Variants in ROBO2 observed in about 807,000 individuals in gnomAD.
ROBO2 encodes roundabout guidance receptor 2, also known as roundabout homolog 2.
In ROBO2, 53 loss-of-function variants were observed where a neutral mutation model predicts 160.8. The ratio of observed to expected loss-of-function variants is 0.33; its 90% CI spans 0.26 to 0.41. The LOEUF is 0.41. Ranked by LOEUF, ROBO2 falls within the 10% of genes least tolerant of loss-of-function variation. The probability of loss-of-function intolerance (pLI) is 1.00; values close to 1 mark genes in which losing one functional copy is unlikely to be tolerated. For missense variants in ROBO2, 1,577 were observed against 1,722.4 expected (o/e 0.92, Z 1.49); for synonymous variants, 664 against 611.7 (o/e 1.09, Z -1.26).
rs1701915628 is a variant in ROBO2, at chr3:76,189,556, A to G, written c.109+251954A>G. Among the ~76,000 whole-genome samples the G allele has an allele frequency of 2.0e-5, 3 of 152,098 alleles. No homozygotes were observed. The South Asian group carries it at 6.2e-4, about 32-fold the overall frequency. ...TTCAGATCCAAGATTCTCTCTGTAC[A>G]TACAAAACAGGGTAAAATATATATT... On this transcript the variant is annotated intron_variant, in intron 2 of 26. Transcript: ENST00000487694.
intron 2 of ROBO2, among the ~76,000 whole-genome samples, chr3:77,328,740 A>G (rs560566925): frequency 2.0e-4 from 31 of 152,294 alleles, no homozygotes; most frequent in African/African-American, 6.5e-4. Flanking sequence ...AAATAAAAAT[A>G]AAAAAAGGAA....
chr3:76,481,382 G>A (rs2079196577), intron 2 of ROBO2, among the ~76,000 whole-genome samples: 4 of 152,132 alleles, frequency 2.6e-5, no homozygotes, highest in Admixed American at 2.6e-4. Context: ...AGCCAGAGGA[G>A]GCATCACTGT....
intron 2 of ROBO2, among the ~76,000 whole-genome samples, chr3:76,826,615 T>A (rs1347622134): frequency 6.6e-6 from 1 of 152,060 alleles, no homozygotes; most frequent in African/African-American, 2.4e-5. Flanking sequence ...ATACTGAGTG[T>A]TCTAGTATAA....
chr3:77,080,456 G>A lies in ROBO2; in HGVS notation c.62-17558G>A, dbSNP rs117334939. On this transcript the variant is annotated intron_variant, in intron 1 of 25. Coordinates refer to ENST00000461745, the Ensembl canonical transcript of ROBO2. ...TTTGTGTTGTTCGTACCAAGGGCCA[G>A]CAGATTATGGGAGAAGCAGATGCTC... Among the ~76,000 whole-genome samples, 36 of 152,304 alleles carry A rather than the reference G, an allele frequency of 2.4e-4. No individual in the cohort carries two copies. The East Asian group carries it at 5.8e-3, about 25-fold the overall frequency.
At chr3:77,019,523 T>G (rs1288351675) in intron 2 of ROBO2, among the ~76,000 whole-genome samples, 1 of 152,094 alleles carries the variant, frequency 6.6e-6, no homozygotes, top group African/African-American at 2.4e-5. Flanking sequence ...AAGAGCTCCT[T>G]GGGGCCAAAT....
intron 2 of ROBO2, among the ~76,000 whole-genome samples, chr3:76,555,767 A>G (rs1304584171): frequency 6.6e-6 from 1 of 152,044 alleles, no homozygotes; most frequent in Non-Finnish European, 1.5e-5. Context: ...TTCTCAAACA[A>G]AGGGTGGTTT....
chr3:76,448,462 T>A (rs2077312568), intron 2 of ROBO2, among the ~76,000 whole-genome samples: 1 of 152,150 alleles, frequency 6.6e-6, no homozygotes, highest in Non-Finnish European at 1.5e-5. Flanking sequence ...AAATCCCTAC[T>A]TGTGTCCTTC....
At chr3:77,629,101 A>G (rs1398344269) in intron 23 of ROBO2, 1 of 152,274 alleles carries the variant, frequency 6.6e-6, no homozygotes, top group Non-Finnish European at 1.5e-5. Context: ...GCTGGGAGAA[A>G]GGCAGAGCAA....
chr3:77,622,556 GTTAATA>G, intron 23 of ROBO2, 124 bp downstream of exon 24: 1 of 832,070 alleles, frequency 1.2e-6, no homozygotes, highest in Non-Finnish European at 1.9e-6. Context: ...TTTTAAATGT[GTTAATA>G]TTAAATACAA....
intron 2 of ROBO2, among the ~76,000 whole-genome samples, chr3:76,432,805 T>C (rs138074492): frequency 1.1e-4 from 16 of 151,354 alleles, no homozygotes; most frequent in Non-Finnish European, 2.1e-4. Context: ...AAACAGGGCA[T>C]TGGGGGCTAT....
At chr3:77,298,284 T>G (rs1321044310) in intron 2 of ROBO2, among the ~76,000 whole-genome samples, 1 of 152,146 alleles carries the variant, frequency 6.6e-6, no homozygotes, top group Non-Finnish European at 1.5e-5. Flanking sequence ...CTAATAACTC[T>G]TAGGAGTTCA....
chr3:76,893,993 A>G (rs1441153645), intron 2 of ROBO2, among the ~76,000 whole-genome samples: 1 of 152,104 alleles, frequency 6.6e-6, no homozygotes, highest in African/African-American at 2.4e-5. Context: ...GAATTGATAG[A>G]CGATTTTGCC....
At chr3:77,099,071 C>A (rs202138969) in intron 2 of ROBO2, among the ~76,000 whole-genome samples, 2 of 121,254 alleles carry the variant, frequency 1.6e-5, no homozygotes, top group Non-Finnish European at 3.3e-5. Flanking sequence ...TTCTTTCTTT[C>A]TTTTTTTTTT....
At chr3:77,507,514 C>T (rs1379956270) in intron 5 of ROBO2, among the ~76,000 whole-genome samples, 7 of 152,182 alleles carry the variant, frequency 4.6e-5, no homozygotes, top group Non-Finnish European at 1.0e-4. Context: ...TATCTAAAAA[C>T]TTCCAGTCTG....
At chr3:76,028,195 G>T (rs555671891) in intron 2 of ROBO2, among the ~76,000 whole-genome samples, 6 of 151,772 alleles carry the variant, frequency 4.0e-5, no homozygotes, top group Admixed American at 2.0e-4. Flanking sequence ...ACACGTGAAA[G>T]AAATAAAATA....
At chr3:77,295,131 C>G (rs193227503) in intron 2 of ROBO2, among the ~76,000 whole-genome samples, 9 of 129,044 alleles carry the variant, frequency 7.0e-5, no homozygotes, top group East Asian at 2.3e-4. Flanking sequence ...CTAGGTCACC[C>G]CAGATATAAA....
At chr3:76,090,417 T>A (rs2069183150) in intron 2 of ROBO2, among the ~76,000 whole-genome samples, 1 of 151,936 alleles carries the variant, frequency 6.6e-6, no homozygotes, top group African/African-American at 2.4e-5. Flanking sequence ...CAGAGTGAGA[T>A]CCTGTCAAAA....
intron 2 of ROBO2, among the ~76,000 whole-genome samples, chr3:76,551,562 G>A (rs767755870): frequency 4.6e-5 from 7 of 152,126 alleles, no homozygotes; most frequent in Non-Finnish European, 8.8e-5. Context: ...TGTGGGCAAC[G>A]AGAAGGATAG....
chr3:77,565,838 T>G (rs1288240035), intron 12 of ROBO2, among the ~76,000 whole-genome samples: 1 of 152,058 alleles, frequency 6.6e-6, no homozygotes, highest in Non-Finnish European at 1.5e-5. Context: ...AAATGGAAGA[T>G]TTCATAATTT....
Sources: allele counts gnomAD v4.1 joint callset (sites outside exome capture counted in the v4.1 genomes callset), GRCh38; gene constraint gnomAD v4.1.1; transcripts MANE v1.5; gene names NCBI Gene and HGNC (gene_info 2026-07-23, HGNC 2026-07-21).